Variants in RUVBL1 observed in about 807,000 individuals in gnomAD.
The protein encoded by RUVBL1 is RuvB like AAA ATPase 1.
A neutral mutation model predicts 52.4 loss-of-function variants in RUVBL1; 4 were observed. The ratio of observed to expected loss-of-function variants is 0.08; its 90% confidence interval spans 0.04 to 0.17. The LOEUF (loss-of-function observed/expected upper bound fraction) is 0.17. Among genes scored for constraint, RUVBL1 ranks in the 10% least tolerant of loss-of-function variants. The pLI is 1.00. For synonymous variants in RUVBL1, 217 were observed against 214.4 expected, an observed-to-expected ratio of 1.01 and a Z score of -0.10; for missense variants, 298 against 572.8, an observed-to-expected ratio of 0.52 and a Z score of 4.90.
At chr3:128,072,208 C>G (rs1942185527) in intron 9 of RUVBL1, among the ~76,000 whole-genome samples, 1 of 152,202 alleles carries the variant, frequency 6.6e-6, no homozygotes, top group Admixed American at 6.5e-5. Context: ...TGTTTCTACA[C>G]CAAGCCCCCA....
chr3:128,133,295 C>T (rs1943907244), intron 1 of RUVBL1, among the ~76,000 whole-genome samples: 1 of 152,224 alleles, frequency 6.6e-6, no homozygotes, highest in Non-Finnish European at 1.5e-5. Flanking sequence ...ATTTCTGGAC[C>T]TGCCGTGGGC....
At chr3:128,149,654 G>T (rs1020955062) in intron 1 of RUVBL1, among the ~76,000 whole-genome samples, 1 of 152,220 alleles carries the variant, frequency 6.6e-6, no homozygotes, top group African/African-American at 2.4e-5. Flanking sequence ...AGAGGCTGGG[G>T]CCTGAAACGC....
intron 6 of RUVBL1, 58 bp from the exon 7 acceptor site, chr3:128,099,003 A>C: frequency 1.5e-6 from 2 of 1,364,264 alleles, no homozygotes; most frequent in Non-Finnish European, 2.1e-6. Flanking sequence ...CAGAAGCCTC[A>C]TCCCCCTGCA....
intron 1 of RUVBL1, chr3:128,153,170 A>G: frequency 8.5e-7 from 1 of 1,175,162 alleles, no homozygotes; most frequent in Non-Finnish European, 1.1e-6. Context: ...TCCTCTTGAT[A>G]GCTATAGAAA....
intron 8 of RUVBL1, among the ~76,000 whole-genome samples, chr3:128,096,720 G>A (rs1942981889): frequency 1.3e-5 from 2 of 152,002 alleles, no homozygotes; most frequent in East Asian, 1.9e-4. Flanking sequence ...CCAGCTACTC[G>A]GGAGGCTGAG....
At chr3:128,077,356 G>A (rs942712715), downstream of RUVBL1, among the ~76,000 whole-genome samples, 3 of 152,188 alleles carry the variant, frequency 2.0e-5, no homozygotes, top group Non-Finnish European at 4.4e-5. Context: ...TCCTCTTATG[G>A]CCTGCTCTCC....
At chr3:128,112,840 G>C (rs372387950) in intron 3 of RUVBL1, 48 bp downstream of exon 3, 61 of 1,599,368 alleles carry the variant, frequency 3.8e-5, no homozygotes, top group Non-Finnish European at 4.9e-5. Flanking sequence ...CGGTGCACAG[G>C]CTTCAGGAAG....
At chr3:128,089,589 G>A (rs141160812) in intron 8 of RUVBL1, among the ~76,000 whole-genome samples, 2,434 of 152,170 alleles carry the variant, frequency 0.016, 49 homozygotes, top group African/African-American at 0.056. Context: ...TCCAGTTGAG[G>A]TATAAAAATG....
At chr3:128,149,278 G>A (rs1179654252) in intron 1 of RUVBL1, among the ~76,000 whole-genome samples, 5 of 150,936 alleles carry the variant, frequency 3.3e-5, no homozygotes, top group African/African-American at 9.7e-5. Context: ...TCTGCATCCC[G>A]GGTTCAAGCA....
At chr3:128,095,513 C>A (rs564348392) in intron 8 of RUVBL1, among the ~76,000 whole-genome samples, 1 of 152,374 alleles carries the variant, frequency 6.6e-6, no homozygotes, top group African/African-American at 2.4e-5. Context: ...CTCTCCAAGA[C>A]TTAGGAAGCA....
chr3:128,145,848 T>C (rs1487727812), intron 1 of RUVBL1, among the ~76,000 whole-genome samples: 1 of 152,344 alleles, frequency 6.6e-6, no homozygotes, highest in South Asian at 2.1e-4. Context: ...TGCCAATGTA[T>C]TTCAAGTAAA....
intron 9 of RUVBL1, chr3:128,066,651 T>C (rs921305177): frequency 5.0e-6 from 2 of 400,510 alleles, no homozygotes. Context: ...ATCGAACTTC[T>C]GGGCTCAAGC....
chr3:128,118,484 T>C (rs1318732992), intron 2 of RUVBL1, among the ~76,000 whole-genome samples: 1 of 152,178 alleles, frequency 6.6e-6, no homozygotes, highest in African/African-American at 2.4e-5. Context: ...ATACTAGAGC[T>C]GGAATTTAAA....
intron 7 of RUVBL1, among the ~76,000 whole-genome samples, chr3:128,098,023 G>A (rs1436749483): frequency 6.6e-6 from 1 of 152,198 alleles, no homozygotes; most frequent in African/African-American, 2.4e-5. Flanking sequence ...GGTGCTTTTA[G>A]AATCCTGAGC....
intron 9 of RUVBL1, 132 bp downstream of exon 9, chr3:128,087,574 C>T (rs756302323): frequency 3.7e-5 from 23 of 626,994 alleles, no homozygotes; most frequent in Admixed American, 3.5e-4. Flanking sequence ...GTGACTTGCT[C>T]GAGGCCAGTA....
At chr3:128,125,009 T>TTTA (rs1943761479), upstream of RUVBL1, among the ~76,000 whole-genome samples, 2 of 122,704 alleles carry the variant, frequency 1.6e-5, no homozygotes, top group Non-Finnish European at 3.5e-5. Flanking sequence ...CACCGCCTTT[T>TTTA]TTTTTTTTTT....
At chr3:128,132,222 T>C (rs1193653036) in intron 1 of RUVBL1, among the ~76,000 whole-genome samples, 1 of 152,106 alleles carries the variant, frequency 6.6e-6, no homozygotes, top group Non-Finnish European at 1.5e-5. Context: ...GAATCATCCA[T>C]CCCAGTGGTC....
chr3:128,126,927 T>C (rs1943801346), upstream of RUVBL1, among the ~76,000 whole-genome samples: 2 of 152,362 alleles, frequency 1.3e-5, no homozygotes, highest in South Asian at 4.1e-4. Flanking sequence ...CACCCCATGT[T>C]TGTTTCAGTG....
intron 1 of RUVBL1, 129 bp downstream of exon 1, chr3:128,123,455 A>C: frequency 8.4e-7 from 1 of 1,195,676 alleles, no homozygotes; most frequent in Non-Finnish European, 1.1e-6. Flanking sequence ...GCCCATTTTC[A>C]CTTCCCTGAG....
Sources: allele counts gnomAD v4.1 joint callset (sites outside exome capture counted in the v4.1 genomes callset), GRCh38; gene constraint gnomAD v4.1.1; transcripts MANE v1.5; gene names NCBI Gene and HGNC (gene_info 2026-07-23, HGNC 2026-07-21).